The following PARD3B variants were observed in gnomAD, a reference collection of about 807,000 sequenced individuals.
PARD3B encodes the protein par-3 family cell polarity regulator beta.
In PARD3B, 103 loss-of-function variants were observed where a neutral mutation model predicts 130.2. That is an observed-to-expected ratio of 0.79 (90% CI 0.67 to 0.93). PARD3B has a LOEUF of 0.93. PARD3B is among the 40% of genes least tolerant of loss of function. PARD3B has a pLI of 0.00. For missense variants in PARD3B, 1,609 were observed against 1,499.2 expected, an observed-to-expected ratio of 1.07 and a Z score of -1.21; for synonymous variants, 583 against 553.2, an observed-to-expected ratio of 1.05 and a Z score of -0.76.
intron 20 of PARD3B, among the ~76,000 whole-genome samples, chr2:205,489,100 G>C (rs2049564498): frequency 6.6e-6 from 1 of 152,142 alleles, no homozygotes; most frequent in African/African-American, 2.4e-5. Flanking sequence ...CTGCCATCCA[G>C]TGTGAACTTT....
chr2:205,331,584 C>A (rs2043131279), intron 18 of PARD3B, among the ~76,000 whole-genome samples: 1 of 151,638 alleles, frequency 6.6e-6, no homozygotes. Context: ...GAGTTCGAGA[C>A]CAGGCTGGCC....
At chr2:204,908,940 G>T (rs537090135) in intron 2 of PARD3B, among the ~76,000 whole-genome samples, 4 of 152,058 alleles carry the variant, frequency 2.6e-5, no homozygotes, top group Non-Finnish European at 5.9e-5. Flanking sequence ...GAGACCTTAA[G>T]GCCCATATAA....
intron 2 of PARD3B, among the ~76,000 whole-genome samples, chr2:204,918,466 TA>T (rs1416555352): frequency 2.0e-5 from 3 of 151,778 alleles, no homozygotes; most frequent in Non-Finnish European, 4.4e-5. Context: ...CCGTCTCTAC[TA>T]AAAATACAAA....
At chr2:205,080,386 T>A (rs971775991) in intron 4 of PARD3B, among the ~76,000 whole-genome samples, 2 of 152,150 alleles carry the variant, frequency 1.3e-5, no homozygotes, top group East Asian at 1.9e-4. Flanking sequence ...GTTGCCTTTA[T>A]AGCTTTAAAT....
At chr2:205,066,784 T>G (rs1057014002) in intron 4 of PARD3B, among the ~76,000 whole-genome samples, 2 of 152,196 alleles carry the variant, frequency 1.3e-5, no homozygotes, top group Non-Finnish European at 2.9e-5. Flanking sequence ...CTAAATCATC[T>G]AAATAACTGA....
chr2:204,706,255 C>A (rs1574762038), intron 2 of PARD3B, among the ~76,000 whole-genome samples: 1 of 151,192 alleles, frequency 6.6e-6, no homozygotes, highest in Admixed American at 6.6e-5. Flanking sequence ...TAGTCCCAGC[C>A]ACTCGGGAGG....
rs891317814 is a variant in PARD3B at position 205,187,651 on chromosome 2, G to A, written c.2024+1788G>A. 3.3e-5 allele frequency among the ~76,000 whole-genome samples: 5 copies of A among 152,254 alleles called. No homozygotes were observed. Among genetic ancestry groups the A allele is most frequent in the East Asian group, 1.9e-4 (1 of 5,170 alleles). On this transcript the variant is annotated intron_variant, in intron 14 of 22. Transcript: ENST00000406610. The surrounding 1 kb of genome is among the most constrained non-coding windows in gnomAD (Gnocchi z 4.9). ...GTCTTTTTGGCTTCAAAGTCTCCAC[G>A]GATTTCTTTCCTTCCCTTTTCTGCA...
At chr2:204,829,769 G>T (rs1361935010) in intron 2 of PARD3B, among the ~76,000 whole-genome samples, 1 of 152,094 alleles carries the variant, frequency 6.6e-6, no homozygotes, top group Non-Finnish European at 1.5e-5. Context: ...GGAGGCCGAG[G>T]TGGGCGGATC....
chr2:205,236,250 T>G (rs778744426), intron 15 of PARD3B, among the ~76,000 whole-genome samples: 2 of 152,198 alleles, frequency 1.3e-5, no homozygotes, highest in Non-Finnish European at 2.9e-5. Context: ...ACTGGCAAAT[T>G]TGACTTGTTT....
At chr2:205,251,018 G>A (rs1431755402) in intron 16 of PARD3B, among the ~76,000 whole-genome samples, 1 of 152,174 alleles carries the variant, frequency 6.6e-6, no homozygotes. Flanking sequence ...ATTGTATGGT[G>A]GAGCTTATGC....
At chr2:205,308,407 C>A (rs574452904) in intron 18 of PARD3B, among the ~76,000 whole-genome samples, 1 of 152,088 alleles carries the variant, frequency 6.6e-6, no homozygotes, top group African/African-American at 2.4e-5. Context: ...GAGATTGAGA[C>A]CATCCTGGCT....
At chr2:205,003,381 G>A (rs1315419694) in intron 3 of PARD3B, among the ~76,000 whole-genome samples, 2 of 152,088 alleles carry the variant, frequency 1.3e-5, no homozygotes, top group Admixed American at 6.5e-5. Context: ...CATTGGGGGT[G>A]GTTATTCTGC....
At chr2:205,545,254 CAT>C (rs990521334) in intron 21 of PARD3B, among the ~76,000 whole-genome samples, 1 of 152,140 alleles carries the variant, frequency 6.6e-6, no homozygotes, top group African/African-American at 2.4e-5. Flanking sequence ...CCCCTAGAAA[CAT>C]ATAGCATTTT....
chr2:205,343,326 G>T (rs577127815), intron 18 of PARD3B, among the ~76,000 whole-genome samples: 1 of 152,198 alleles, frequency 6.6e-6, no homozygotes, highest in Non-Finnish European at 1.5e-5. Flanking sequence ...CTCCGAGCAT[G>T]AAGGAGATAA....
At chr2:204,631,484 G>C (rs1297524416) in intron 1 of PARD3B, among the ~76,000 whole-genome samples, 2 of 152,060 alleles carry the variant, frequency 1.3e-5, no homozygotes, top group Admixed American at 6.6e-5. Flanking sequence ...TCTTGACCTC[G>C]TGATCTGCGT....
rs1186943537 is a variant in PARD3B, at chr2:205,054,479, G to A, written c.504+6789G>A. Reference sequence around the variant, plus strand: ...TTTTAATTATACTCTAAGTTTTAGGGTATATGTGCACAACGTGCAGGTTTG... The same window carrying A: ...TTTTAATTATACTCTAAGTTTTAGGATATATGTGCACAACGTGCAGGTTTG... On this transcript the variant is annotated intron_variant, in intron 4 of 22. Coordinates refer to ENST00000406610, the MANE Select transcript of PARD3B (RefSeq NM_001302769.2). Among the ~76,000 whole-genome samples the A allele has an allele frequency of 3.5e-5, 4 of 115,060 alleles. No individual in the cohort carries two copies. The Admixed American group carries it at 4.3e-4, about 12-fold the overall frequency. 75.5% of individuals were successfully genotyped at this position (115,060 alleles called of 152,430 possible).
intron 5 of PARD3B, among the ~76,000 whole-genome samples, chr2:205,106,445 G>A (rs538462631): frequency 3.9e-5 from 6 of 151,928 alleles, no homozygotes; most frequent in East Asian, 3.9e-4. Flanking sequence ...TACCACGCCC[G>A]GCCAAAAACA....
intron 1 of PARD3B, among the ~76,000 whole-genome samples, chr2:204,635,809 C>T (rs1456740959): frequency 6.6e-6 from 1 of 152,112 alleles, no homozygotes; most frequent in Non-Finnish European, 1.5e-5. Context: ...TGTGAAAATG[C>T]TTTGTAAATT....
At chr2:205,456,846 T>C (rs922614124) in intron 20 of PARD3B, among the ~76,000 whole-genome samples, 7 of 147,078 alleles carry the variant, frequency 4.8e-5, no homozygotes, top group African/African-American at 1.8e-4. Context: ...AATCATTTAA[T>C]AAATACTCAG....
Sources: allele counts gnomAD v4.1 joint callset (sites outside exome capture counted in the v4.1 genomes callset), GRCh38; gene constraint gnomAD v4.1.1; non-coding constraint Gnocchi (gnomAD v3.1); transcripts MANE v1.5; gene names NCBI Gene and HGNC (gene_info 2026-07-23, HGNC 2026-07-21).